Variants in PACS1 observed in about 807,000 individuals in gnomAD.
The protein encoded by PACS1 is PACS-1.
In PACS1, 24 loss-of-function variants were observed where a neutral mutation model predicts 115.0. That is an observed-to-expected ratio of 0.21 (90% CI 0.15 to 0.29). PACS1 has a LOEUF of 0.29. Ranked by LOEUF, PACS1 falls within the 10% of genes least tolerant of loss-of-function variation. The pLI is 1.00. For missense variants in PACS1, 838 were observed against 1,251.2 expected (o/e 0.67, Z 4.98); for synonymous variants, 453 against 504.5 (o/e 0.90, Z 1.37).
chr11:66,085,987 C>T (rs1286795233), intron 1 of PACS1, among the ~76,000 whole-genome samples: 1 of 152,078 alleles, frequency 6.6e-6, no homozygotes, highest in Non-Finnish European at 1.5e-5. Context: ...TGTAGCAATG[C>T]CACTGGCGAT....
Position 66,076,405 on chromosome 11 carries a change from C to CT in PACS1, c.356+5576dup, listed in dbSNP as rs963192468. On this transcript the variant is annotated intron_variant, in intron 1 of 23. Transcript: ENST00000320580. The stretch of plus-strand genomic sequence containing the variant: ...GAGGCTTGTCCAGTTTGGACTTGGA[C>CT]TTTTTTTTTTTTTGAGACAGGGTCT... 5.2e-3 allele frequency among the ~76,000 whole-genome samples: 755 copies of CT among 145,220 alleles called. 6 individuals carry two copies. The highest frequency in any genetic ancestry group is 0.015 in the African/African-American group (613 of 39,840).
At chr11:66,075,878 C>T (rs1857387182) in intron 1 of PACS1, among the ~76,000 whole-genome samples, 1 of 151,944 alleles carries the variant, frequency 6.6e-6, no homozygotes. Context: ...GCTAGGACTG[C>T]AGGTGCCCGC....
At position 66,216,716 on chromosome 11, in the gene PACS1, G is replaced by A. The variant is rs752296219; in HGVS notation, c.919G>A (p.Asp307Asn). Residue 307 changes from aspartate to asparagine, a missense_variant, in exon 7 of 24, where the codon GAT (aspartate) becomes AAT (asparagine). By Grantham distance (23) the Asp-to-Asn change is conservative (BLOSUM62 1). Coordinates refer to ENST00000320580, the MANE Select transcript of PACS1 (RefSeq NM_018026.4). ...TTAGGACTTGTTCTACGAAGACGAAGATCTCCGGAAAGTGAAGAAGACCCG... is the reference window on the plus strand; with the variant it reads ...TTAGGACTTGTTCTACGAAGACGAAAATCTCCGGAAAGTGAAGAAGACCCG... ...HGQDLFYEDE[D>N]LRKVKKTRRK... The A allele has an allele frequency of 6.2e-6, 10 of 1,613,864 alleles. No individual in the cohort carries two copies. The South Asian group carries it at 1.1e-4, about 18-fold the overall frequency.
chr11:66,164,696 G>C (rs1299000739), intron 1 of PACS1, among the ~76,000 whole-genome samples: 5 of 146,116 alleles, frequency 3.4e-5, no homozygotes, highest in Non-Finnish European at 7.5e-5. Context: ...TGATCCTCCT[G>C]CCTCAGCCTC....
At chr11:66,130,973 G>A in intron 1 of PACS1, among the ~76,000 whole-genome samples, 1 of 151,816 alleles carries the variant, frequency 6.6e-6, no homozygotes, top group Non-Finnish European at 1.5e-5. Flanking sequence ...TGAGAGACTG[G>A]GGTGGGAGGA....
intron 19 of PACS1, 34 bp from the exon 20 acceptor site, chr11:66,238,770 G>A (rs749449155): frequency 4.3e-5 from 68 of 1,565,526 alleles, no homozygotes; most frequent in Non-Finnish European, 5.7e-5. Context: ...GCTTTAACAG[G>A]AGGATCTAAT....
chr11:66,187,100 G>C (rs1854398757), intron 1 of PACS1, among the ~76,000 whole-genome samples: 1 of 152,172 alleles, frequency 6.6e-6, no homozygotes, highest in Non-Finnish European at 1.5e-5. Flanking sequence ...CATTTTGTTT[G>C]TTCATTCTTC....
intron 22 of PACS1, among the ~76,000 whole-genome samples, chr11:66,242,529 A>G (rs1208569114): frequency 1.3e-5 from 2 of 152,200 alleles, no homozygotes; most frequent in Non-Finnish European, 2.9e-5. Context: ...CATCCCCAGG[A>G]CAGCGTGAGG....
intron 1 of PACS1, among the ~76,000 whole-genome samples, chr11:66,126,951 G>C (rs1028562651): frequency 6.6e-6 from 1 of 152,254 alleles, no homozygotes; most frequent in Non-Finnish European, 1.5e-5. Context: ...GGAAGAAGGG[G>C]AGGCCTTTTC....
chr11:66,166,167 AGACAGAG>A, intron 1 of PACS1, among the ~76,000 whole-genome samples: 1 of 150,246 alleles, frequency 6.7e-6, no homozygotes, highest in Non-Finnish European at 1.5e-5. Context: ...TTTGTTTTTG[AGACAGAG>A]TCTTACTCTG....
At chr11:66,090,299 G>A (rs1329948920) in intron 1 of PACS1, among the ~76,000 whole-genome samples, 1 of 137,784 alleles carries the variant, frequency 7.3e-6, no homozygotes, top group Admixed American at 7.7e-5. Context: ...TTCAGATAGG[G>A]TCTTGCTCTG....
chr11:66,164,946 A>G (rs1437809981), intron 1 of PACS1, among the ~76,000 whole-genome samples: 2 of 152,078 alleles, frequency 1.3e-5, no homozygotes, highest in African/African-American at 4.8e-5. Context: ...CTAGAAATTG[A>G]GTTGGTGGCC....
chr11:66,096,426 T>C (rs527388285), intron 1 of PACS1, among the ~76,000 whole-genome samples: 41 of 152,042 alleles, frequency 2.7e-4, no homozygotes, highest in Non-Finnish European at 4.0e-4. Context: ...ATGATATAAT[T>C]TGCATATCCA....
intron 1 of PACS1, among the ~76,000 whole-genome samples, chr11:66,156,855 A>G (rs1859374667): frequency 1.3e-5 from 1 of 77,274 alleles, no homozygotes; most frequent in Admixed American, 1.0e-4. Context: ...TCTGTCTCGA[A>G]AAAAAAAAAA....
chr11:66,112,440 A>G (rs998770041), intron 1 of PACS1, among the ~76,000 whole-genome samples: 1 of 152,340 alleles, frequency 6.6e-6, no homozygotes, highest in African/African-American at 2.4e-5. Flanking sequence ...GGTCTCACTC[A>G]GCGCAGACAG....
In PACS1 at chr11:66,241,953, G is replaced by A. The variant is rs534911079; in HGVS notation, c.2656+300G>A. Among the ~76,000 whole-genome samples the A allele has an allele frequency of 1.1e-4, 16 of 152,314 alleles. No individual in the cohort carries two copies. In the South Asian group the frequency reaches 3.1e-3, roughly 30 times the overall value. Reference sequence around the variant, plus strand: ...GGGGCCTTTCTGGCCACTGCTGTCCGGGATGGACTGCAGACAGGGAGAGGC... The same window carrying A: ...GGGGCCTTTCTGGCCACTGCTGTCCAGGATGGACTGCAGACAGGGAGAGGC... On this transcript the variant is annotated intron_variant, in intron 22 of 23. Transcript: ENST00000320580.
At chr11:66,078,371 G>C (rs186542396) in intron 1 of PACS1, among the ~76,000 whole-genome samples, 2 of 152,124 alleles carry the variant, frequency 1.3e-5, no homozygotes, top group Admixed American at 1.3e-4. Flanking sequence ...TCCCTTCTTT[G>C]TAGTCTGTGT....
At chr11:66,185,843 GT>G (rs1565138335) in intron 1 of PACS1, among the ~76,000 whole-genome samples, 1 of 152,160 alleles carries the variant, frequency 6.6e-6, no homozygotes, top group Non-Finnish European at 1.5e-5. Flanking sequence ...AAGTATTAAT[GT>G]TTGGGGGTTG....
At chr11:66,104,467 C>G (rs887330794) in intron 1 of PACS1, among the ~76,000 whole-genome samples, 1 of 152,138 alleles carries the variant, frequency 6.6e-6, no homozygotes, top group African/African-American at 2.4e-5. Flanking sequence ...ACAACCACAC[C>G]CATTTGTTGA....
Sources: gnomAD v4.1 joint callset for allele counts (sites outside exome capture counted in the v4.1 genomes callset) on GRCh38, gnomAD v4.1.1 for gene constraint, MANE v1.5 for transcripts, NCBI Gene and HGNC (gene_info 2026-07-23, HGNC 2026-07-21) for gene names.